TJP1: variants seen among roughly 807,000 people sequenced by gnomAD.
TJP1 encodes the protein tight junction protein ZO-1.
A neutral mutation model predicts 194.2 loss-of-function variants in TJP1; 43 were observed. That is an observed-to-expected ratio of 0.22 (90% confidence interval 0.17 to 0.29). The LOEUF (loss-of-function observed/expected upper bound fraction) is 0.29, where lower values mean the gene tolerates loss of function less well. Among genes scored for constraint, TJP1 ranks in the 10% least tolerant of loss-of-function variants. The probability of loss-of-function intolerance (pLI) is 1.00; values close to 1 mark genes in which losing one functional copy is unlikely to be tolerated. For synonymous variants in TJP1, 801 were observed against 779.0 expected (o/e 1.03, Z -0.47); for missense variants, 1,971 against 2,185.7 (o/e 0.90, Z 1.96).
At chr15:29,723,503 G>A (rs1464332110) in intron 18 of TJP1, among the ~76,000 whole-genome samples, 4 of 152,272 alleles carry the variant, frequency 2.6e-5, no homozygotes, top group South Asian at 4.1e-4. Flanking sequence ...CCACAGAACT[G>A]TGAGCCAATT....
intron 1 of TJP1, among the ~76,000 whole-genome samples, chr15:29,815,935 G>A (rs569310384): frequency 3.5e-4 from 54 of 152,258 alleles, no homozygotes; most frequent in African/African-American, 1.2e-3. Flanking sequence ...CAAATCAAAC[G>A]GGAAGCAGTA....
At chr15:29,827,343 G>T (rs1329701283), upstream of TJP1, among the ~76,000 whole-genome samples, 1 of 152,202 alleles carries the variant, frequency 6.6e-6, no homozygotes, top group African/African-American at 2.4e-5. Flanking sequence ...CAAGCTATCA[G>T]GCCCAGCACA....
chr15:29,925,920 T>G (rs916180810), intron 2 of TJP1, among the ~76,000 whole-genome samples: 1 of 152,212 alleles, frequency 6.6e-6, no homozygotes, highest in Non-Finnish European at 1.5e-5. Flanking sequence ...TCTCTTAATC[T>G]TTCCCTCCAA....
intron 2 of TJP1, among the ~76,000 whole-genome samples, chr15:29,932,928 T>C (rs2054766330): frequency 1.3e-5 from 2 of 152,202 alleles, no homozygotes; most frequent in African/African-American, 4.8e-5. Context: ...ATTTAATGAT[T>C]AATACATTTG....
chr15:29,734,252 C>T (rs1566922220), intron 12 of TJP1, 22 bp downstream of exon 12: 4 of 1,533,162 alleles, frequency 2.6e-6, no homozygotes, highest in Non-Finnish European at 3.6e-6. Flanking sequence ...TTTATCTCCT[C>T]CATTTTCTGA....
intron 1 of TJP1, among the ~76,000 whole-genome samples, chr15:29,811,858 A>AAATGAATGAATGAATG (rs71103411): frequency 6.7e-6 from 1 of 150,356 alleles, no homozygotes; most frequent in South Asian, 2.1e-4. Flanking sequence ...TCTCTGTCCA[A>AAATGAATGAATGAATG]AATGAATGAA....
At chr15:29,873,908 C>T (rs538963526) in intron 2 of TJP1, among the ~76,000 whole-genome samples, 7 of 152,256 alleles carry the variant, frequency 4.6e-5, no homozygotes, top group East Asian at 1.9e-4. Flanking sequence ...ACAAGAAGTA[C>T]GTGAGATATT....
chr15:29,846,929 GA>G (rs983470057), intron 2 of TJP1, among the ~76,000 whole-genome samples: 9 of 145,148 alleles, frequency 6.2e-5, no homozygotes, highest in African/African-American at 2.2e-4. Context: ...CCGTCTCAAA[GA>G]AAAAAAAGAA....
intron 2 of TJP1, among the ~76,000 whole-genome samples, chr15:29,926,149 G>C (rs2054516555): frequency 6.6e-6 from 1 of 152,236 alleles, no homozygotes; most frequent in Non-Finnish European, 1.5e-5. Flanking sequence ...TGAGGTGAAA[G>C]AAATAGAAGT....
intron 8 of TJP1, among the ~76,000 whole-genome samples, chr15:29,760,559 T>C (rs2045936461): frequency 1.3e-5 from 2 of 152,254 alleles, no homozygotes; most frequent in African/African-American, 4.8e-5. Context: ...GTATTTTTAG[T>C]AGAGACAGAG....
chr15:29,878,906 C>T (rs1184043446), intron 2 of TJP1, among the ~76,000 whole-genome samples: 3 of 151,986 alleles, frequency 2.0e-5, no homozygotes, highest in Admixed American at 6.6e-5. Context: ...GGGTGGATCA[C>T]GAGGTCAAGA....
intron 8 of TJP1, among the ~76,000 whole-genome samples, chr15:29,749,524 G>A (rs894477490): frequency 2.6e-5 from 4 of 152,118 alleles, no homozygotes; most frequent in African/African-American, 7.2e-5. Flanking sequence ...TAGGAGAGAA[G>A]GTGCATCCCC....
At chr15:29,916,868 G>A (rs191902442) in intron 2 of TJP1, among the ~76,000 whole-genome samples, 1 of 152,264 alleles carries the variant, frequency 6.6e-6, no homozygotes, top group East Asian at 1.9e-4. Flanking sequence ...ACAGTGAGCT[G>A]TGACATCATA....
chr15:29,723,264 T>TG, intron 18 of TJP1, among the ~76,000 whole-genome samples: 1 of 152,178 alleles, frequency 6.6e-6, no homozygotes, highest in East Asian at 1.9e-4. Context: ...TCCTCAGTGT[T>TG]GGAGTGGGGC....
At chr15:29,846,952 A>T (rs79236615) in intron 2 of TJP1, among the ~76,000 whole-genome samples, 3 of 151,922 alleles carry the variant, frequency 2.0e-5, no homozygotes, top group Non-Finnish European at 2.9e-5. Context: ...GAAAGAAAGA[A>T]AACAAGGGCT....
intron 10 of TJP1, among the ~76,000 whole-genome samples, chr15:29,739,101 C>A (rs758070357): frequency 4.6e-5 from 7 of 152,032 alleles, no homozygotes; most frequent in Non-Finnish European, 1.0e-4. Flanking sequence ...AAATCCTCTT[C>A]TAACCCTGAC....
chr15:29,723,539 C>T (rs1049707840), intron 18 of TJP1, among the ~76,000 whole-genome samples: 4 of 152,170 alleles, frequency 2.6e-5, no homozygotes, highest in Non-Finnish European at 4.4e-5. Flanking sequence ...ATAAGTTACC[C>T]GGTCTCAGGT....
At chr15:29,797,907 A>T (rs1235401726) in intron 2 of TJP1, among the ~76,000 whole-genome samples, 1 of 152,246 alleles carries the variant, frequency 6.6e-6, no homozygotes, top group Non-Finnish European at 1.5e-5. Flanking sequence ...ATATATGGAC[A>T]ACAAATGAGC....
intron 23 of TJP1, among the ~76,000 whole-genome samples, chr15:29,714,537 CTTTTTTT>C (rs58378713): frequency 3.4e-5 from 3 of 88,984 alleles, no homozygotes; most frequent in Non-Finnish European, 6.6e-5. Flanking sequence ...TGCGCCCAGC[CTTTTTTT>C]TTTTTTTTTT....
Sources: gnomAD v4.1 joint callset for allele counts (sites outside exome capture counted in the v4.1 genomes callset) on GRCh38, gnomAD v4.1.1 for gene constraint, MANE v1.5 for transcripts, NCBI Gene and HGNC (gene_info 2026-07-23, HGNC 2026-07-21) for gene names.